The following ART3 variants were observed in gnomAD, a reference collection of about 807,000 sequenced individuals.
The protein encoded by ART3 is ecto-ADP-ribosyltransferase 3.
ART3 carries 49 observed loss-of-function variants against 48.5 expected under a neutral mutation model. The observed-to-expected ratio is 1.01, with a 90% CI of 0.80 to 1.28. ART3 has a LOEUF of 1.28. ART3 is among the 50% of genes most tolerant of loss of function. ART3 has a pLI of 0.00. For synonymous variants in ART3, 145 were observed against 157.2 expected (o/e 0.92, Z 0.58); for missense variants, 438 against 454.3 (o/e 0.96, Z 0.33).
intron 1 of ART3, among the ~76,000 whole-genome samples, chr4:76,062,830 G>A (rs1433017023): frequency 1.3e-5 from 2 of 151,980 alleles, no homozygotes; most frequent in Non-Finnish European, 2.9e-5. Flanking sequence ...AAAGTGCTGG[G>A]ATTACAAGTG....
chr4:76,038,121 T>C (rs575947615), intron 1 of ART3, among the ~76,000 whole-genome samples: 24 of 152,312 alleles, frequency 1.6e-4, no homozygotes, highest in African/African-American at 5.5e-4. Flanking sequence ...CACATCATCT[T>C]GCTCCATCAC....
At chr4:76,060,601 G>A (rs1719120048) in intron 1 of ART3, among the ~76,000 whole-genome samples, 2 of 117,776 alleles carry the variant, frequency 1.7e-5, no homozygotes, top group African/African-American at 3.3e-5. Context: ...CATGGCAAAA[G>A]GAACACTGGA....
intron 1 of ART3, among the ~76,000 whole-genome samples, chr4:76,032,964 A>C (rs1377816248): frequency 6.6e-6 from 1 of 151,896 alleles, no homozygotes; most frequent in Non-Finnish European, 1.5e-5. Context: ...GATTTATATA[A>C]CAATTTATTA....
At chr4:76,057,651 G>A (rs1427721119) in intron 1 of ART3, among the ~76,000 whole-genome samples, 1 of 152,182 alleles carries the variant, frequency 6.6e-6, no homozygotes, top group Non-Finnish European at 1.5e-5. Context: ...GACATATGAG[G>A]AGACCTAGAT....
At chr4:76,112,074 T>TATC (rs1427249278) in intron 11 of ART3, 1 of 246,392 alleles carries the variant, frequency 4.1e-6, no homozygotes, top group East Asian at 8.9e-5. Flanking sequence ...CAATTTCTAT[T>TATC]ATCAGTAAGG....
intron 1 of ART3, among the ~76,000 whole-genome samples, chr4:76,037,254 T>G (rs1047478982): frequency 6.6e-6 from 1 of 152,206 alleles, no homozygotes; most frequent in Non-Finnish European, 1.5e-5. Flanking sequence ...TCTTTATCTT[T>G]TCCTCTTAAG....
chr4:76,082,135 A>G lies in ART3; in HGVS notation c.381A>G (p.Glu127=). Reference sequence around the variant, plus strand: ...TGAAGATGGCTGGCCAATCTCGAGAAGATTATATCTATGGCTTCCAGTTCA... The same window carrying G: ...TGAAGATGGCTGGCCAATCTCGAGAGGATTATATCTATGGCTTCCAGTTCA... The part of the protein sequence containing the change: ...EAVKMAGQSR[E]DYIYGFQFKA... The change falls in exon 3 of 12, where the codon GAA becomes GAG. Residue 127 remains glutamate (E), a synonymous_variant. Transcript: ENST00000355810. The G allele has an allele frequency of 6.2e-7, 1 of 1,614,206 alleles. No individual in the cohort carries two copies. Among genetic ancestry groups the G allele is most frequent in the Middle Eastern group, 1.6e-4 (1 of 6,062 alleles).
chr4:76,033,293 T>G (rs1053153137), intron 1 of ART3, among the ~76,000 whole-genome samples: 2 of 152,208 alleles, frequency 1.3e-5, no homozygotes, highest in African/African-American at 2.4e-5. Context: ...AAGACACTAC[T>G]GTAAGACTTT....
intron 1 of ART3, chr4:76,022,091 CT>C: frequency 4.7e-6 from 4 of 848,624 alleles, no homozygotes; most frequent in African/African-American, 1.7e-5. Flanking sequence ...ATAGGGGTTG[CT>C]TTTTTCAACC....
intron 1 of ART3, among the ~76,000 whole-genome samples, chr4:76,042,312 T>A (rs1443718817): frequency 1.3e-5 from 2 of 152,196 alleles, no homozygotes; most frequent in Non-Finnish European, 2.9e-5. Flanking sequence ...AAAGGTAGTA[T>A]CAAGGATATT....
chr4:76,016,161 T>A (rs1456666162), intron 1 of ART3, among the ~76,000 whole-genome samples: 1 of 152,192 alleles, frequency 6.6e-6, no homozygotes, highest in Non-Finnish European at 1.5e-5. Context: ...CTTCAGCACT[T>A]TAAATATGTT....
intron 1 of ART3, among the ~76,000 whole-genome samples, chr4:76,046,832 G>C (rs1040920104): frequency 1.3e-5 from 2 of 152,042 alleles, no homozygotes; most frequent in African/African-American, 4.8e-5. Flanking sequence ...GAAATACCTG[G>C]TTACAGGCTG....
chr4:76,029,719 G>A (rs951757987), intron 1 of ART3, among the ~76,000 whole-genome samples: 1 of 152,118 alleles, frequency 6.6e-6, no homozygotes, highest in Non-Finnish European at 1.5e-5. Context: ...ATTAGGTCCT[G>A]TACTCAGTAG....
intron 1 of ART3, among the ~76,000 whole-genome samples, chr4:76,062,056 A>G (rs1719266207): frequency 6.6e-6 from 1 of 152,228 alleles, no homozygotes; most frequent in South Asian, 2.1e-4. Flanking sequence ...TATTTGGAGT[A>G]GGAATAGACA....
chr4:76,035,743 A>G (rs1020114134), intron 1 of ART3, among the ~76,000 whole-genome samples: 1 of 152,254 alleles, frequency 6.6e-6, no homozygotes, highest in African/African-American at 2.4e-5. Flanking sequence ...CATAATTTCT[A>G]GTTTCAATAA....
At chr4:76,099,285 A>AG in intron 5 of ART3, 1 of 373,202 alleles carries the variant, frequency 2.7e-6, no homozygotes, top group South Asian at 2.5e-5. Flanking sequence ...CCTGGGTGAC[A>AG]GGGTGAAACT....
At chr4:76,026,562 T>G (rs1733404165) in intron 1 of ART3, among the ~76,000 whole-genome samples, 1 of 152,236 alleles carries the variant, frequency 6.6e-6, no homozygotes, top group Non-Finnish European at 1.5e-5. Context: ...AGACTATAAT[T>G]TCCCCAGAAG....
rs4241580 is a variant in ART3, at chr4:76,035,035, T to G, written c.-10+23715T>G. 26 of 1,602,196 alleles carry G rather than the reference T, an allele frequency of 1.6e-5. No individual in the cohort carries two copies. In the African/African-American group the frequency reaches 2.8e-4, roughly 17 times the overall value. ...AAACAGATTATAACATGGGAGTAAT[T>G]TGGTAACTTACTTTGATTATAAGCC... is the stretch of plus-strand genomic sequence containing the variant. On this transcript the variant is annotated intron_variant, in intron 1 of 9. Coordinates refer to the ART3 transcript ENST00000341029.
chr4:76,070,892 C>T (rs1407246379), upstream of ART3, among the ~76,000 whole-genome samples: 1 of 151,982 alleles, frequency 6.6e-6, no homozygotes, highest in African/African-American at 2.4e-5. Context: ...TGAACCTCTC[C>T]TGCTCTTATC....
Sources: gnomAD v4.1 joint callset for allele counts (sites outside exome capture counted in the v4.1 genomes callset) on GRCh38, gnomAD v4.1.1 for gene constraint, MANE v1.5 for transcripts, NCBI Gene and HGNC (gene_info 2026-07-23, HGNC 2026-07-21) for gene names.